Variants in RBPMS observed in about 807,000 individuals in gnomAD.
RBPMS encodes the protein RNA binding protein, mRNA processing factor, also known as RNA-binding protein with multiple splicing.
Under a neutral mutation model 26.8 loss-of-function variants are expected in RBPMS, and 7 were observed. That is an observed-to-expected ratio of 0.26 (90% CI 0.15 to 0.49). RBPMS has a LOEUF of 0.49. RBPMS is among the 20% of genes least tolerant of loss of function. The pLI is 0.98. For synonymous variants in RBPMS, 96 were observed against 93.3 expected (o/e 1.03, Z -0.17); for missense variants, 186 against 250.0 (o/e 0.74, Z 1.73).
intron 6 of RBPMS, chr8:30,545,592 A>G (rs1825804873): frequency 3.6e-6 from 1 of 274,036 alleles, no homozygotes; most frequent in South Asian, 1.4e-4. Flanking sequence ...GTTTGTTTAC[A>G]AGGCTGGGTG....
chr8:30,507,432 T>C (rs767959032), intron 5 of RBPMS, among the ~76,000 whole-genome samples: 11 of 152,122 alleles, frequency 7.2e-5, no homozygotes, highest in Non-Finnish European at 1.2e-4. Flanking sequence ...ATAAAAAGCA[T>C]TGGGTTGCCT....
At chr8:30,389,823 A>G in intron 1 of RBPMS, among the ~76,000 whole-genome samples, 1 of 152,212 alleles carries the variant, frequency 6.6e-6, no homozygotes, top group East Asian at 1.9e-4. Flanking sequence ...CATATTTATT[A>G]TGTATTATAC....
intron 1 of RBPMS, among the ~76,000 whole-genome samples, chr8:30,419,067 G>GAAAAAAAAAAAAAA (rs1284042952): frequency 8.8e-6 from 1 of 113,174 alleles, no homozygotes; most frequent in Non-Finnish European, 1.9e-5. Flanking sequence ...ATTATCAGTT[G>GAAAAAAAAAAAAAA]AAAAAAAAAA....
At chr8:30,418,365 A>C (rs938155863) in intron 1 of RBPMS, among the ~76,000 whole-genome samples, 1 of 152,130 alleles carries the variant, frequency 6.6e-6, no homozygotes, top group African/African-American at 2.4e-5. Flanking sequence ...GCAGGTGCAC[A>C]CCGCCTGGCC....
intron 1 of RBPMS, among the ~76,000 whole-genome samples, chr8:30,416,470 C>CCA: frequency 6.6e-6 from 1 of 151,310 alleles, no homozygotes; most frequent in East Asian, 2.0e-4. Context: ...TAACAGGTGC[C>CCA]CACCACCATG....
Position 30,463,685 on chromosome 8 carries a change from G to T in RBPMS, c.67-11094G>T, listed in dbSNP as rs964691129. Among the ~76,000 whole-genome samples the T allele has an allele frequency of 5.3e-5, 8 of 152,230 alleles. No homozygotes were observed. In the East Asian group the frequency reaches 5.8e-4, roughly 11 times the overall value. On this transcript the variant is annotated intron_variant, in intron 1 of 8. Transcript: ENST00000397323. ...ACTTCTTTAAGGGAGGAATATCAAA[G>T]AAATTGTGGACATAGTTTAATATGA... is the stretch of plus-strand genomic sequence containing the variant.
chr8:30,449,519 C>T lies in RBPMS; in HGVS notation c.67-25260C>T, dbSNP rs554220439. ...CGGAGTAGCTGGGATTATAGGCACCCGCCACCATGCCCAGCTAATTTTTGT... is the reference window on the plus strand; with the variant it reads ...CGGAGTAGCTGGGATTATAGGCACCTGCCACCATGCCCAGCTAATTTTTGT... On this transcript the variant is annotated intron_variant, in intron 1 of 8. Coordinates refer to ENST00000397323, the MANE Select transcript of RBPMS (RefSeq NM_001008710.3). Among the ~76,000 whole-genome samples, 13 of 152,150 alleles carry T rather than the reference C, an allele frequency of 8.5e-5. No homozygotes were observed. In the East Asian group the frequency reaches 1.7e-3, roughly 20 times the overall value.
At chr8:30,513,933 G>A (rs189512459) in intron 5 of RBPMS, among the ~76,000 whole-genome samples, 3 of 152,188 alleles carry the variant, frequency 2.0e-5, no homozygotes, top group African/African-American at 7.2e-5. Flanking sequence ...CATGGTCCAC[G>A]CACCCCTGGT....
At chr8:30,479,168 T>C in intron 3 of RBPMS, 147 bp from the exon 4 acceptor site, 1 of 641,914 alleles carries the variant, frequency 1.6e-6, no homozygotes, top group Non-Finnish European at 2.7e-6. Flanking sequence ...CACTGAGTCA[T>C]GATTCTTCGG....
At position 30,502,410 on chromosome 8, in the gene RBPMS, C is replaced by G. The variant is rs146492034; in HGVS notation, c.247-1876C>G. On this transcript the variant is annotated intron_variant, in intron 4 of 8. Transcript: ENST00000397323. ...GCCTCATTTTCTGAGGCTAGATGCT[C>G]TAGACCACAACTAGGTCCCAGGATA... 3.5e-3 allele frequency among the ~76,000 whole-genome samples: 540 copies of G among 152,304 alleles called. 4 individuals carry two copies. Among genetic ancestry groups the G allele is most frequent in the African/African-American group, 0.012 (503 of 41,566 alleles).
In RBPMS at chr8:30,520,705, G is replaced by A. The variant is rs113768677; in HGVS notation, c.397+16269G>A. ...CTTTATCCACAGAAAAGGAGGTTGA[G>A]GTAGGAAGATCCCTGGAGCCTAGGA... On this transcript the variant is annotated intron_variant, in intron 5 of 8. Coordinates refer to ENST00000397323, the MANE Select transcript of RBPMS (RefSeq NM_001008710.3). 8.1e-3 allele frequency among the ~76,000 whole-genome samples: 1,231 copies of A among 152,260 alleles called. 15 individuals carry two copies. The highest frequency in any genetic ancestry group is 0.027 in the African/African-American group (1,141 of 41,542).
chr8:30,465,055 C>A (rs1201805923), intron 1 of RBPMS, among the ~76,000 whole-genome samples: 1 of 152,074 alleles, frequency 6.6e-6, no homozygotes, highest in Admixed American at 6.6e-5. Flanking sequence ...ATAGAGCAAG[C>A]CACCTAAAAA....
At chr8:30,457,824 C>T (rs1040657464) in intron 1 of RBPMS, among the ~76,000 whole-genome samples, 11 of 152,172 alleles carry the variant, frequency 7.2e-5, no homozygotes, top group African/African-American at 2.7e-4. Flanking sequence ...GATCTGCCCA[C>T]CTCAGCCTCC....
intron 5 of RBPMS, among the ~76,000 whole-genome samples, chr8:30,507,761 C>T (rs1821216566): frequency 6.6e-6 from 1 of 152,178 alleles, no homozygotes. Context: ...ATAATAAGAA[C>T]TCTGCTTTGG....
In RBPMS at chr8:30,385,057, C is replaced by T; in HGVS notation, c.-36C>T. On this transcript the variant is annotated 5_prime_UTR_variant, in exon 1 of 9. Transcript: ENST00000397323. ...CGCGCCCTCGCCCAGCCCCGCGCCCCAGCCCTGCCCGGCCCGGCGAGGAAG... is the reference window on the plus strand; with the variant it reads ...CGCGCCCTCGCCCAGCCCCGCGCCCTAGCCCTGCCCGGCCCGGCGAGGAAG... 2 of 1,485,776 alleles carry T rather than the reference C, an allele frequency of 1.3e-6. No individual in the cohort carries two copies. The highest frequency in any genetic ancestry group is 1.8e-6 in the Non-Finnish European group (2 of 1,114,364). 92.0% of individuals were successfully genotyped at this position (1,485,776 alleles called of 1,614,324 possible).
chr8:30,515,830 A>AT (rs1160773273), intron 5 of RBPMS, among the ~76,000 whole-genome samples: 2 of 151,678 alleles, frequency 1.3e-5, no homozygotes, highest in Non-Finnish European at 2.9e-5. Context: ...TAATTTTCTA[A>AT]TTTTTTTGTA....
chr8:30,459,746 T>G (rs1815673234), intron 1 of RBPMS, among the ~76,000 whole-genome samples: 1 of 152,204 alleles, frequency 6.6e-6, no homozygotes, highest in Non-Finnish European at 1.5e-5. Context: ...AATGGTCTTT[T>G]CCTCCCATTA....
chr8:30,514,680 CTTTTTTT>C (rs577244764), intron 5 of RBPMS, among the ~76,000 whole-genome samples: 12 of 82,650 alleles, frequency 1.5e-4, no homozygotes, highest in Non-Finnish European at 2.3e-4. Context: ...CCATGCCGGG[CTTTTTTT>C]TTTTTTTTTT....
chr8:30,418,576 CTAT>C (rs978053030), intron 1 of RBPMS, among the ~76,000 whole-genome samples: 11 of 151,902 alleles, frequency 7.2e-5, no homozygotes, highest in African/African-American at 2.2e-4. Context: ...CTCTTTATTA[CTAT>C]TATTATTATT....
Sources: allele counts gnomAD v4.1 joint callset (sites outside exome capture counted in the v4.1 genomes callset), GRCh38; gene constraint gnomAD v4.1.1; transcripts MANE v1.5; gene names NCBI Gene and HGNC (gene_info 2026-07-23, HGNC 2026-07-21).